DUSP16: variants seen among roughly 807,000 people sequenced by gnomAD.
DUSP16 encodes dual specificity phosphatase 16.
DUSP16 carries 21 observed loss-of-function variants against 58.3 expected under a neutral mutation model. That is an observed-to-expected ratio of 0.36 (90% CI 0.26 to 0.52). DUSP16 has a LOEUF of 0.52. Ranked by LOEUF, DUSP16 falls within the 20% of genes least tolerant of loss-of-function variation. The pLI, the probability that DUSP16 is intolerant of heterozygous loss-of-function variation, is 0.94. For missense variants in DUSP16, 726 were observed against 819.0 expected (o/e 0.89, Z 1.39); for synonymous variants, 320 against 323.8 (o/e 0.99, Z 0.12).
At chr12:12,518,801 G>A (rs931393876) in intron 3 of DUSP16, among the ~76,000 whole-genome samples, 11 of 152,086 alleles carry the variant, frequency 7.2e-5, no homozygotes, top group African/African-American at 2.4e-4. Context: ...AAGATCAGAC[G>A]GAATCACAGC....
rs1943696903 is a variant in DUSP16, at chr12:12,487,116, G to C, written c.603C>G (p.Ile201Met). The C allele has an allele frequency of 6.2e-7, 1 of 1,614,044 alleles. No individual in the cohort carries two copies. The highest frequency in any genetic ancestry group is 8.5e-7 in the Non-Finnish European group (1 of 1,180,024). Residue 201 changes from isoleucine to methionine, a missense_variant, in exon 5 of 7, where the codon ATC (isoleucine) becomes ATG (methionine). By Grantham distance (10) the Ile-to-Met change is conservative. Transcript: ENST00000298573. Reference protein sequence around the residue: ...ASNTCPKPDFIPESHFLRVPV... With the variant: ...ASNTCPKPDFMPESHFLRVPV... ...GCACACGCAGGAAATGAGACTCGGGGATAAAGTCAGGCTTTGGACAGGTAT... is the reference window on the plus strand; with the variant it reads ...GCACACGCAGGAAATGAGACTCGGGCATAAAGTCAGGCTTTGGACAGGTAT...
chr12:12,478,431 C>T (rs140613511), intron 6 of DUSP16, among the ~76,000 whole-genome samples: 41 of 152,078 alleles, frequency 2.7e-4, no homozygotes, highest in African/African-American at 7.0e-4. Context: ...TTCCTGGGCA[C>T]GTGCAGTCCT....
chr12:12,560,557 C>CA (rs1944883202), intron 1 of DUSP16, among the ~76,000 whole-genome samples: 1 of 152,174 alleles, frequency 6.6e-6, no homozygotes, highest in South Asian at 2.1e-4. Flanking sequence ...AAAAACCTTT[C>CA]ACCGTGCCTA....
chr12:12,529,950 A>G (rs1368319021), intron 1 of DUSP16, among the ~76,000 whole-genome samples: 2 of 152,224 alleles, frequency 1.3e-5, no homozygotes, highest in Non-Finnish European at 2.9e-5. Flanking sequence ...ATAGACGCTT[A>G]GGTTGATTCC....
intron 1 of DUSP16, chr12:12,561,030 T>A (rs1490921331): frequency 6.7e-6 from 1 of 149,614 alleles, no homozygotes; most frequent in East Asian, 1.9e-4. Context: ...GTTTGATAGG[T>A]TTGGTTCACT....
At chr12:12,511,898 G>T (rs752303456) in intron 3 of DUSP16, among the ~76,000 whole-genome samples, 1 of 152,172 alleles carries the variant, frequency 6.6e-6, no homozygotes, top group East Asian at 1.9e-4. Context: ...CCCACCTGGG[G>T]CAAGGGAAGA....
chr12:12,508,722 T>C (rs917309292), intron 3 of DUSP16, among the ~76,000 whole-genome samples: 16 of 152,178 alleles, frequency 1.1e-4, no homozygotes, highest in African/African-American at 3.4e-4. Context: ...CCAAAAGAGC[T>C]TGCCCTATAT....
chr12:12,497,054 G>T (rs1340400173), intron 4 of DUSP16, among the ~76,000 whole-genome samples: 3 of 152,182 alleles, frequency 2.0e-5, no homozygotes, highest in Non-Finnish European at 2.9e-5. Flanking sequence ...GAGATGTGCT[G>T]TAAGTATAAA....
intron 5 of DUSP16, 90 bp downstream of exon 5, chr12:12,486,938 T>C: frequency 1.3e-6 from 2 of 1,494,502 alleles, no homozygotes. Flanking sequence ...TAGGCTCCTT[T>C]TCTCTAAAGA....
At chr12:12,544,587 G>T (rs1944612439) in intron 1 of DUSP16, among the ~76,000 whole-genome samples, 1 of 151,956 alleles carries the variant, frequency 6.6e-6, no homozygotes, top group African/African-American at 2.4e-5. Flanking sequence ...CATACATGAG[G>T]GTTCTAGTTG....
At chr12:12,504,826 G>A (rs1943967938) in intron 3 of DUSP16, among the ~76,000 whole-genome samples, 1 of 151,950 alleles carries the variant, frequency 6.6e-6, no homozygotes, top group South Asian at 2.1e-4. Context: ...GCAGTGAGCT[G>A]TGATCGCACC....
intron 1 of DUSP16, among the ~76,000 whole-genome samples, chr12:12,547,605 C>A (rs1294943490): frequency 3.6e-5 from 5 of 137,310 alleles, no homozygotes; most frequent in Non-Finnish European, 3.1e-5. Context: ...AGCTCTACTA[C>A]TCCAGGCCAT....
At chr12:12,523,729 T>G (rs1362509319) in intron 1 of DUSP16, among the ~76,000 whole-genome samples, 1 of 152,180 alleles carries the variant, frequency 6.6e-6, no homozygotes, top group Non-Finnish European at 1.5e-5. Context: ...CTCAATCAGG[T>G]TCTGCCTGCT....
intron 5 of DUSP16, among the ~76,000 whole-genome samples, chr12:12,480,563 T>C (rs1293785715): frequency 1.3e-5 from 2 of 152,194 alleles, no homozygotes; most frequent in African/African-American, 2.4e-5. Context: ...CAAAACTGTT[T>C]GTTAATAAGC....
At chr12:12,528,766 G>T (rs1944340630) in intron 1 of DUSP16, among the ~76,000 whole-genome samples, 1 of 152,098 alleles carries the variant, frequency 6.6e-6, no homozygotes, top group African/African-American at 2.4e-5. Context: ...TTTAGTGATG[G>T]GGGACACGAT....
chr12:12,546,546 TAAG>T (rs1193365709), intron 1 of DUSP16, among the ~76,000 whole-genome samples: 2 of 152,302 alleles, frequency 1.3e-5, no homozygotes, highest in African/African-American at 2.4e-5. Flanking sequence ...TAGTATTTTG[TAAG>T]AAGGGACTGG....
intron 3 of DUSP16, among the ~76,000 whole-genome samples, chr12:12,512,478 C>T (rs1944093440): frequency 6.6e-6 from 1 of 152,122 alleles, no homozygotes; most frequent in Admixed American, 6.5e-5. Context: ...GCAGCATCTC[C>T]CCATTACCCC....
intron 4 of DUSP16, among the ~76,000 whole-genome samples, chr12:12,492,596 AAAAT>A (rs1451893499): frequency 6.6e-6 from 1 of 151,956 alleles, no homozygotes; most frequent in African/African-American, 2.4e-5. Context: ...TCCCACCTTA[AAAAT>A]ATCTCCTCTC....
chr12:12,536,637 C>T (rs1278098773), intron 1 of DUSP16, among the ~76,000 whole-genome samples: 1 of 151,988 alleles, frequency 6.6e-6, no homozygotes, highest in Non-Finnish European at 1.5e-5. Context: ...CTTAGCTACT[C>T]AGGAAGCTGA....
Sources: gnomAD v4.1 joint callset for allele counts (sites outside exome capture counted in the v4.1 genomes callset) on GRCh38, gnomAD v4.1.1 for gene constraint, MANE v1.5 for transcripts, NCBI Gene and HGNC (gene_info 2026-07-23, HGNC 2026-07-21) for gene names.